Variants in ENO3 observed in about 807,000 individuals in gnomAD.
The protein encoded by ENO3 is enolase 3, also known as beta-enolase.
Under a neutral mutation model 47.7 loss-of-function variants are expected in ENO3, and 46 were observed. The ratio of observed to expected loss-of-function variants is 0.96; its 90% CI spans 0.76 to 1.23. The LOEUF (loss-of-function observed/expected upper bound fraction) is 1.23, where lower values mean the gene tolerates loss of function less well. Ranked by LOEUF, ENO3 falls within the 50% of genes most tolerant of loss-of-function variation. ENO3 has a pLI of 0.00. For missense variants in ENO3, 575 were observed against 566.2 expected, an observed-to-expected ratio of 1.02 and a Z score of -0.16; for synonymous variants, 223 against 225.9, an observed-to-expected ratio of 0.99 and a Z score of 0.11.
At chr17:4,951,247 G>T in intron 1 of ENO3, 65 bp downstream of exon 1, 5 of 1,007,822 alleles carry the variant, frequency 5.0e-6, no homozygotes, top group Non-Finnish European at 5.9e-6. Flanking sequence ...TTGGCTTGGA[G>T]GAAGTGGGGG....
chr17:4,951,917 A>AAC lies in ENO3; in HGVS notation c.85+7_85+8dup, dbSNP rs1180656132. On this transcript the variant is annotated splice_donor_region_variant and intron_variant, in intron 2 of 11. Transcript: ENST00000519602. Reference sequence around the variant, plus strand: ...GGTGGACCTGCACACGGCCAAGGGTAACACAAGGCCCATTGGATAGGCTCG... The same window carrying AAC: ...GGTGGACCTGCACACGGCCAAGGGTAACACACAAGGCCCATTGGATAGGCTCG... The AAC allele has an allele frequency of 6.2e-7, 1 of 1,614,112 alleles. No homozygotes were observed. Among genetic ancestry groups the AAC allele is most frequent in the Admixed American group, 1.7e-5 (1 of 60,028 alleles).
upstream of ENO3, chr17:4,949,021 G>C (rs1001593862): frequency 2.6e-5 from 4 of 151,800 alleles, no homozygotes; most frequent in Admixed American, 6.6e-5. Flanking sequence ...GGAGTGCATG[G>C]GGCGGTCGGG....
rs549806535 is a variant in ENO3, at chr17:4,953,348, G to A, written c.310+7G>A. 1.6e-5 allele frequency: 26 copies of A among 1,614,142 alleles called. No individual in the cohort carries two copies. The highest frequency in any genetic ancestry group is 1.9e-5 in the Non-Finnish European group (23 of 1,180,044). On this transcript the variant is annotated splice_region_variant and intron_variant, in intron 5 of 11. Transcript: ENST00000519602. ...GATGGGACCGAGAATAAGTGTGAGT[G>A]AAGGGCTAGCGGTGGGGAAGGGATG... is the stretch of plus-strand genomic sequence containing the variant.
upstream of ENO3, among the ~76,000 whole-genome samples, chr17:4,949,537 CAAG>C (rs941915350): frequency 6.6e-6 from 1 of 151,830 alleles, no homozygotes; most frequent in East Asian, 1.9e-4. Flanking sequence ...GCAACTTTTT[CAAG>C]AAGGGGAAAG....
chr17:4,952,295 G>C (rs1189034290), intron 2 of ENO3: 4 of 359,708 alleles, frequency 1.1e-5, no homozygotes, highest in African/African-American at 6.4e-5. Flanking sequence ...TTGTGCCTCA[G>C]CCTCCCAAGT....
intron 9 of ENO3, 58 bp from the exon 10 acceptor site, chr17:4,956,515 C>G: frequency 6.4e-7 from 1 of 1,571,058 alleles, no homozygotes; most frequent in African/African-American, 1.3e-5. Flanking sequence ...CCCACCCAAC[C>G]CCTGCTTTCC....
intron 7 of ENO3, 34 bp from the exon 8 acceptor site, chr17:4,955,373 T>TG (rs1380153867): frequency 9.3e-6 from 15 of 1,614,258 alleles, no homozygotes; most frequent in Non-Finnish European, 1.2e-5. Context: ...CAAGGGGCAC[T>TG]GGAGTCTCAG....
In ENO3 at chr17:4,951,900, T is replaced by G; in HGVS notation, c.71T>G (p.Leu24Arg). 6.2e-7 allele frequency: 1 copy of G among 1,614,148 alleles called. No homozygotes were observed. The highest frequency in any genetic ancestry group is 8.5e-7 in the Non-Finnish European group (1 of 1,179,992). ...GGCAACCCCACGGTGGAGGTGGACCTGCACACGGCCAAGGGTAACACAAGG... is the reference window on the plus strand; with the variant it reads ...GGCAACCCCACGGTGGAGGTGGACCGGCACACGGCCAAGGGTAACACAAGG... The part of the protein sequence containing the change: ...SRGNPTVEVD[L>R]HTAKGRFRAA... Residue 24 changes from leucine (L) to arginine (R), a missense_variant, in exon 2 of 12, where the codon CTG becomes CGG. Coordinates refer to ENST00000519602, the MANE Select transcript of ENO3 (RefSeq NM_053013.4).
chr17:4,949,714 G>A (rs1222333607), upstream of ENO3, among the ~76,000 whole-genome samples: 3 of 152,172 alleles, frequency 2.0e-5, no homozygotes, highest in Admixed American at 6.5e-5. Flanking sequence ...CTAGGGGCAA[G>A]GGGTCACCGA....
At chr17:4,950,789 T>C (rs1035169488), upstream of ENO3, among the ~76,000 whole-genome samples, 1 of 152,108 alleles carries the variant, frequency 6.6e-6, no homozygotes, top group Non-Finnish European at 1.5e-5. Context: ...CCCTGGCCTT[T>C]CCTAAAGGTC....
intron 6 of ENO3, 74 bp from the exon 7 acceptor site, chr17:4,955,001 A>C: frequency 5.4e-5 from 74 of 1,366,292 alleles, no homozygotes; most frequent in Non-Finnish European, 6.9e-5. Context: ...TTTCCACCCC[A>C]ACACCCCCCG....
chr17:4,953,311 A>G lies in ENO3; in HGVS notation c.280A>G (p.Met94Val). 1 of 1,614,218 alleles carries G rather than the reference A, an allele frequency of 6.2e-7. No homozygotes were observed. Among genetic ancestry groups the G allele is most frequent in the South Asian group, 1.1e-5 (1 of 91,086 alleles). ...GGATCAAGAAAAAGTTGACAAATTT[A>G]TGATTGAGCTAGATGGGACCGAGAA... ...VVDQEKVDKF[M>V]IELDGTENKS... Residue 94 changes from methionine (M) to valine (V), a missense_variant, in exon 5 of 12, where the codon ATG becomes GTG. Physicochemically the swap from Met to Val is conservative, Grantham distance 21. Coordinates refer to ENST00000519602, the MANE Select transcript of ENO3 (RefSeq NM_053013.4).
chr17:4,956,264 A>C, intron 9 of ENO3, 121 bp downstream of exon 9: 1 of 1,203,394 alleles, frequency 8.3e-7, no homozygotes, highest in Non-Finnish European at 1.2e-6. Context: ...TGACTTACCC[A>C]CACCTTGATC....
rs755516014 is a variant in ENO3 at position 4,955,092 on chromosome 17, C to CG, written c.467dup (p.Ser157LeufsTer53). 6.3e-7 allele frequency: 1 copy of CG among 1,597,060 alleles called. No homozygotes were observed. The highest frequency in any genetic ancestry group is 2.3e-5 in the East Asian group (1 of 43,788). ...CATCTCAGGCCTTCAATGTGATCAA[C>CG]GGGGGCTCCCATGCTGGAAACAAGC... On this transcript the variant is annotated frameshift_variant, in exon 7 of 12. Coordinates refer to ENST00000519602, the MANE Select transcript of ENO3 (RefSeq NM_053013.4). LOFTEE classifies it high-confidence loss of function.
At chr17:4,950,684 G>A (rs998799653), upstream of ENO3, 5 of 984,448 alleles carry the variant, frequency 5.1e-6, no homozygotes, top group African/African-American at 7.0e-5. Context: ...CCCCACTGAG[G>A]ACAGAGGCCC....
chr17:4,949,820 C>T (rs1294340485), upstream of ENO3, among the ~76,000 whole-genome samples: 3 of 152,162 alleles, frequency 2.0e-5, no homozygotes, highest in Admixed American at 2.0e-4. Context: ...TCCCCGACGC[C>T]CCTCGAGTCC....
Position 4,955,450 on chromosome 17 carries a change from A to C in ENO3, c.711A>C (p.Pro237=). 1 of 1,614,250 alleles carries C rather than the reference A, an allele frequency of 6.2e-7. No individual in the cohort carries two copies. Among genetic ancestry groups the C allele is most frequent in the South Asian group, 1.1e-5 (1 of 91,092 alleles). ...CGGCCATCCAGGCGGCTGGTTACCC[A>C]GACAAGGTGGTGATCGGCATGGATG... is the stretch of plus-strand genomic sequence containing the variant. ...LKTAIQAAGY[P]DKVVIGMDVA... Residue 237 remains proline (P), a synonymous_variant, in exon 8 of 12, where the codon CCA becomes CCC. Coordinates refer to ENST00000519602, the MANE Select transcript of ENO3 (RefSeq NM_053013.4).
In ENO3 at chr17:4,951,912, A is replaced by G. The variant is rs751639631; in HGVS notation, c.83A>G (p.Lys28Arg). 1 of 1,614,138 alleles carries G rather than the reference A, an allele frequency of 6.2e-7. No individual in the cohort carries two copies. Residue 28 changes from lysine to arginine, a missense_variant and splice_region_variant, in exon 2 of 12, where the codon AAG becomes AGG. Physicochemically the swap from Lys to Arg is conservative, Grantham distance 26. Coordinates refer to ENST00000519602, the MANE Select transcript of ENO3 (RefSeq NM_053013.4). The stretch of plus-strand genomic sequence containing the variant: ...GTGGAGGTGGACCTGCACACGGCCA[A>G]GGGTAACACAAGGCCCATTGGATAG... ...PTVEVDLHTA[K>R]GRFRAAVPSG...
Position 4,951,169 on chromosome 17 carries a change from C to T in ENO3, c.-16C>T. ...CTCGGAGCTCCATCCAAACCTCCAGCGAAGACATCCCAGGTCGGGTGAATC... is the reference window on the plus strand; with the variant it reads ...CTCGGAGCTCCATCCAAACCTCCAGTGAAGACATCCCAGGTCGGGTGAATC... On this transcript the variant is annotated 5_prime_UTR_variant, in exon 1 of 12. Transcript: ENST00000519602. 2.0e-6 allele frequency: 2 copies of T among 990,030 alleles called. No homozygotes were observed. Among genetic ancestry groups the T allele is most frequent in the Non-Finnish European group, 2.4e-6 (2 of 832,736 alleles). 61.3% of individuals were successfully genotyped at this position (990,030 alleles called of 1,614,324 possible).
Sources: allele counts gnomAD v4.1 joint callset (sites outside exome capture counted in the v4.1 genomes callset), GRCh38; gene constraint gnomAD v4.1.1; transcripts MANE v1.5; gene names NCBI Gene and HGNC (gene_info 2026-07-23, HGNC 2026-07-21).